The following ATRN variants were observed in gnomAD, a reference collection of about 807,000 sequenced individuals.
The protein encoded by ATRN is attractin.
In ATRN, 54 loss-of-function variants were observed where a neutral mutation model predicts 178.7. The observed-to-expected ratio is 0.30, with a 90% CI of 0.24 to 0.38. The LOEUF (loss-of-function observed/expected upper bound fraction) is 0.38, where lower values mean the gene tolerates loss of function less well. Ranked by LOEUF, ATRN falls within the 10% of genes least tolerant of loss-of-function variation. The pLI is 1.00. For missense variants in ATRN, 1,443 were observed against 1,815.1 expected (o/e 0.79, Z 3.73); for synonymous variants, 636 against 663.0 (o/e 0.96, Z 0.63).
At chr20:3,585,553 T>C (rs1226779219) in intron 18 of ATRN, among the ~76,000 whole-genome samples, 1 of 152,202 alleles carries the variant, frequency 6.6e-6, no homozygotes, top group Non-Finnish European at 1.5e-5. Context: ...TACTAAGATA[T>C]GGGGGACCTG....
intron 24 of ATRN, among the ~76,000 whole-genome samples, chr20:3,620,404 G>A (rs1027743302): frequency 3.3e-5 from 5 of 152,000 alleles, no homozygotes; most frequent in African/African-American, 1.2e-4. Flanking sequence ...ACACCACCAC[G>A]CCAGCTAATT....
At chr20:3,646,574 A>G (rs1473924596) in intron 28 of ATRN, 149 bp from the exon 29 acceptor site, 20 of 1,118,516 alleles carry the variant, frequency 1.8e-5, no homozygotes, top group African/African-American at 6.3e-5. Flanking sequence ...TTCCCTGTGT[A>G]TGTGTACCTT....
intron 24 of ATRN, among the ~76,000 whole-genome samples, chr20:3,609,153 C>CA (rs1314452588): frequency 6.6e-6 from 1 of 151,968 alleles, no homozygotes; most frequent in Non-Finnish European, 1.5e-5. Flanking sequence ...TTTCAGTCCA[C>CA]AAATGTGGTG....
intron 11 of ATRN, among the ~76,000 whole-genome samples, chr20:3,572,357 A>G (rs966566356): frequency 1.6e-4 from 24 of 152,204 alleles, no homozygotes; most frequent in African/African-American, 5.5e-4. Context: ...TACAGTAGCT[A>G]TGACGAGGAG....
chr20:3,481,624 A>T (rs935779937), intron 1 of ATRN, among the ~76,000 whole-genome samples: 3 of 151,978 alleles, frequency 2.0e-5, no homozygotes, highest in African/African-American at 7.3e-5. Context: ...GGGATTACAG[A>T]TGAGAGCCAC....
At chr20:3,631,633 G>A (rs2086990422) in intron 25 of ATRN, among the ~76,000 whole-genome samples, 1 of 152,078 alleles carries the variant, frequency 6.6e-6, no homozygotes, top group African/African-American at 2.4e-5. Flanking sequence ...GATCTTCACT[G>A]AATACAGAAG....
intron 6 of ATRN, among the ~76,000 whole-genome samples, chr20:3,555,765 C>G (rs1395918228): frequency 6.6e-6 from 1 of 152,144 alleles, no homozygotes; most frequent in Non-Finnish European, 1.5e-5. Context: ...CCACACTTTG[C>G]AAATAAAATG....
Position 3,633,688 on chromosome 20 carries a change from T to G in ATRN, c.3864-623T>G, listed in dbSNP as rs56219319. On this transcript the variant is annotated intron_variant, in intron 25 of 28. Coordinates refer to ENST00000262919, the MANE Select transcript of ATRN (RefSeq NM_139321.3). The stretch of plus-strand genomic sequence containing the variant: ...GTAGCTTTTCAAATCATTCCACACC[T>G]GGTTTATACATGAGAGAGCATTGAA... Among the ~76,000 whole-genome samples the G allele has an allele frequency of 4.3e-3, 658 of 152,350 alleles. 6 individuals are homozygous for G. Among genetic ancestry groups the G allele is most frequent in the African/African-American group, 0.014 (596 of 41,588 alleles).
chr20:3,559,125 A>G (rs2085917778), intron 6 of ATRN, among the ~76,000 whole-genome samples: 1 of 152,196 alleles, frequency 6.6e-6, no homozygotes, highest in South Asian at 2.1e-4. Context: ...TAGACTGTGT[A>G]TAGAAGAGGT....
At chr20:3,472,428 T>C (rs546973622) in intron 1 of ATRN, among the ~76,000 whole-genome samples, 6 of 152,284 alleles carry the variant, frequency 3.9e-5, no homozygotes, top group African/African-American at 9.6e-5. Context: ...ACTGAACACA[T>C]GTCTGATGTG....
At chr20:3,572,161 A>G (rs1041234023) in intron 11 of ATRN, among the ~76,000 whole-genome samples, 2 of 152,336 alleles carry the variant, frequency 1.3e-5, no homozygotes, top group Non-Finnish European at 1.5e-5. Flanking sequence ...ATGTACCAGT[A>G]TGACACAACT....
intron 1 of ATRN, among the ~76,000 whole-genome samples, chr20:3,521,450 G>A (rs917073895): frequency 3.9e-5 from 6 of 152,166 alleles, no homozygotes; most frequent in African/African-American, 7.2e-5. Context: ...AGACAGAACA[G>A]TCCTGCATTT....
intron 24 of ATRN, among the ~76,000 whole-genome samples, chr20:3,615,587 A>G (rs1437880180): frequency 8.0e-6 from 1 of 124,474 alleles, no homozygotes; most frequent in Non-Finnish European, 1.6e-5. Flanking sequence ...ACAGAGTCTC[A>G]CTCTGTCGCC....
intron 1 of ATRN, among the ~76,000 whole-genome samples, chr20:3,480,747 G>A (rs552649631): frequency 1.4e-4 from 22 of 152,274 alleles, no homozygotes; most frequent in African/African-American, 5.3e-4. Context: ...AGGTATGTAC[G>A]CAGGAGAAAA....
At chr20:3,579,293 C>T (rs235546) in intron 15 of ATRN, among the ~76,000 whole-genome samples, 114,294 of 151,930 alleles carry the variant, frequency 0.75, 43,428 homozygotes, top group East Asian at 1. Flanking sequence ...CAAGACCAGC[C>T]TGACCAATAT....
intron 8 of ATRN, among the ~76,000 whole-genome samples, chr20:3,561,790 C>T (rs1738222525): frequency 6.6e-6 from 1 of 152,208 alleles, no homozygotes; most frequent in Non-Finnish European, 1.5e-5. Flanking sequence ...TGCAGTGGCA[C>T]AATCATAGCT....
At chr20:3,568,493 AC>A (rs1365463771) in intron 11 of ATRN, among the ~76,000 whole-genome samples, 2 of 138,358 alleles carry the variant, frequency 1.4e-5, no homozygotes, top group African/African-American at 5.4e-5. Flanking sequence ...AGCCTGGGTG[AC>A]AGAGTGAGAC....
intron 1 of ATRN, among the ~76,000 whole-genome samples, chr20:3,482,346 T>C (rs180846911): frequency 1.8e-4 from 28 of 152,306 alleles, no homozygotes; most frequent in African/African-American, 6.5e-4. Flanking sequence ...TGTTTTGTGC[T>C]ATTAAAAATA....
At chr20:3,499,847 A>G (rs2146105293) in intron 1 of ATRN, among the ~76,000 whole-genome samples, 1 of 148,496 alleles carries the variant, frequency 6.7e-6, no homozygotes, top group African/African-American at 2.5e-5. Flanking sequence ...ATCTAATTAA[A>G]CTAAAGAGCT....
Sources: gnomAD v4.1 joint callset for allele counts (sites outside exome capture counted in the v4.1 genomes callset) on GRCh38, gnomAD v4.1.1 for gene constraint, MANE v1.5 for transcripts, NCBI Gene and HGNC (gene_info 2026-07-23, HGNC 2026-07-21) for gene names.